The following TLDC2 variants were observed in gnomAD, a reference collection of about 807,000 sequenced individuals.
TLDC2 encodes the protein TLD domain-containing protein 2.
Under a neutral mutation model 27.9 loss-of-function variants are expected in TLDC2, and 23 were observed. That is an observed-to-expected ratio of 0.82 (90% confidence interval 0.59 to 1.17). The LOEUF is 1.17. Among genes scored for constraint, TLDC2 ranks in the 50% most tolerant of loss-of-function variants. The probability of loss-of-function intolerance (pLI) is 0.00; values close to 1 mark genes in which losing one functional copy is unlikely to be tolerated. For synonymous variants in TLDC2, 124 were observed against 107.4 expected (o/e 1.16, Z -0.96); for missense variants, 286 against 273.4 (o/e 1.05, Z -0.32).
intron 4 of TLDC2, among the ~76,000 whole-genome samples, chr20:36,885,635 C>T (rs950640108): frequency 6.6e-6 from 1 of 152,260 alleles, no homozygotes; most frequent in African/African-American, 2.4e-5. Context: ...GAGCATAGGA[C>T]GTATCTTTTA....
intron 4 of TLDC2, 50 bp from the exon 5 acceptor site, chr20:36,887,405 G>A (rs1989944670): frequency 6.5e-7 from 1 of 1,539,042 alleles, no homozygotes; most frequent in Admixed American, 1.7e-5. Flanking sequence ...AACTGCAAGG[G>A]CGGGACTCGC....
At chr20:36,887,591 G>C in intron 5 of TLDC2, 63 bp downstream of exon 5, 1 of 1,481,816 alleles carries the variant, frequency 6.7e-7, no homozygotes, top group Non-Finnish European at 9.4e-7. Context: ...TCCCTCTGCC[G>C]AACTGCTGGG....
intron 6 of TLDC2, chr20:36,891,366 C>T (rs1427115650): frequency 6.6e-6 from 1 of 152,368 alleles, no homozygotes; most frequent in Admixed American, 6.5e-5. Flanking sequence ...CTGAGTTCCC[C>T]TACTTGCTCA....
Position 36,879,153 on chromosome 20 carries a change from G to A in TLDC2, c.302G>A (p.Ser101Asn), listed in dbSNP as rs201133429. ...CTGTACCGGCGGATGGAGGGCTGCA[G>A]CGGGCCAGTGCTGCTGGTGCTCAGG... ...QSLYRRMEGC[S>N]GPVLLVLRDQ... Residue 101 changes from serine (S) to asparagine (N), a missense_variant, in exon 3 of 7, where the codon AGC (serine) becomes AAC (asparagine). Physicochemically the swap from Ser to Asn is conservative, Grantham distance 46. Coordinates refer to ENST00000217320, the MANE Select transcript of TLDC2 (RefSeq NM_080628.3). The A allele has an allele frequency of 2.1e-4, 337 of 1,614,042 alleles. No individual in the cohort carries two copies. The East Asian group carries it at 7.0e-3, about 34-fold the overall frequency.
At chr20:36,880,057 G>T (rs1989764706) in intron 3 of TLDC2, among the ~76,000 whole-genome samples, 2 of 41,212 alleles carry the variant, frequency 4.9e-5, no homozygotes, top group Non-Finnish European at 1.2e-4. Context: ...TACTTGTGTA[G>T]AATATATATA....
At chr20:36,881,067 G>A (rs1231701350) in intron 4 of TLDC2, among the ~76,000 whole-genome samples, 1 of 152,168 alleles carries the variant, frequency 6.6e-6, no homozygotes, top group Admixed American at 6.5e-5. Flanking sequence ...CGACAAAGGA[G>A]GACACAGCCA....
In TLDC2 at chr20:36,893,032, T is replaced by C. The variant is rs868061483; in HGVS notation, c.*188T>C. Reference sequence around the variant, plus strand: ...AGTACTGTCGTTCCATTCCTTTTTTTGAGGTGTTATGAGTGGGGCTATAAC... The same window carrying C: ...AGTACTGTCGTTCCATTCCTTTTTTCGAGGTGTTATGAGTGGGGCTATAAC... On this transcript the variant is annotated 3_prime_UTR_variant, in exon 7 of 7. Transcript: ENST00000217320. 1.2e-6 allele frequency: 2 copies of C among 1,613,954 alleles called. No homozygotes were observed. Among genetic ancestry groups the C allele is most frequent in the African/African-American group, 1.3e-5 (1 of 75,022 alleles).
rs1990133510 is a variant in TLDC2 at position 36,893,595 on chromosome 20, G to A, written c.*751G>A. ...GCTCCTCCACCCAAAATAAGGGAGA[G>A]ATCCAAAGGGAGGCGATACAATGAC... On this transcript the variant is annotated 3_prime_UTR_variant, in exon 7 of 7. Coordinates refer to ENST00000217320, the MANE Select transcript of TLDC2 (RefSeq NM_080628.3). 3.1e-6 allele frequency: 1 copy of A among 319,618 alleles called. No homozygotes were observed. The highest frequency in any genetic ancestry group is 2.1e-5 in the African/African-American group (1 of 46,586). 19.8% of individuals were successfully genotyped at this position (319,618 alleles called of 1,614,324 possible). A position where few individuals can be genotyped will look rare whatever the true frequency, so the allele number is the denominator to read the frequency against.
At chr20:36,891,753 T>C (rs938839080) in intron 6 of TLDC2, 4 of 152,576 alleles carry the variant, frequency 2.6e-5, no homozygotes, top group Admixed American at 1.3e-4. Context: ...AATGGCGTGA[T>C]CTAGGCTCAC....
intron 6 of TLDC2, chr20:36,890,915 T>A (rs569383031): frequency 6.6e-6 from 1 of 152,238 alleles, no homozygotes; most frequent in African/African-American, 2.4e-5. Context: ...AGCACAATGA[T>A]ACAATATTAG....
intron 3 of TLDC2, among the ~76,000 whole-genome samples, chr20:36,880,100 T>TATATATATATATATAA: frequency 2.4e-5 from 1 of 41,580 alleles, no homozygotes; most frequent in Non-Finnish European, 6.9e-5. Flanking sequence ...TATATATATA[T>TATATATATATATATAA]ACTTTTTTTT....
chr20:36,876,556 C>A (rs1427720840), intron 1 of TLDC2, among the ~76,000 whole-genome samples: 1 of 152,134 alleles, frequency 6.6e-6, no homozygotes, highest in African/African-American at 2.4e-5. Context: ...ATCTCTCAGC[C>A]CTTGAGAGGT....
At chr20:36,883,020 C>T (rs1251944615) in intron 4 of TLDC2, among the ~76,000 whole-genome samples, 2 of 152,166 alleles carry the variant, frequency 1.3e-5, no homozygotes, top group South Asian at 2.1e-4. Flanking sequence ...TCTGTGTTCT[C>T]GTCCATTCCC....
chr20:36,889,044 TAAAC>T (rs991302193), intron 5 of TLDC2, among the ~76,000 whole-genome samples: 15 of 151,818 alleles, frequency 9.9e-5, no homozygotes, highest in African/African-American at 2.2e-4. Flanking sequence ...AATAAATAAA[TAAAC>T]AAATAAATAA....
intron 4 of TLDC2, among the ~76,000 whole-genome samples, chr20:36,881,505 C>T (rs1032774614): frequency 3.3e-5 from 5 of 152,190 alleles, no homozygotes; most frequent in African/African-American, 1.2e-4. Flanking sequence ...GCAGCAGAAG[C>T]GCCGCTGGGC....
At chr20:36,885,272 A>T (rs1989898152) in intron 4 of TLDC2, among the ~76,000 whole-genome samples, 1 of 152,174 alleles carries the variant, frequency 6.6e-6, no homozygotes, top group African/African-American at 2.4e-5. Context: ...CAGTCTACCC[A>T]GTGCCTGAAA....
chr20:36,881,043 G>A (rs2148345647), intron 4 of TLDC2, among the ~76,000 whole-genome samples: 1 of 152,330 alleles, frequency 6.6e-6, no homozygotes, highest in African/African-American at 2.4e-5. Context: ...AGACCTGAGG[G>A]CGTGGTGGCA....
rs1319868725 is a variant in TLDC2 at position 36,893,798 on chromosome 20, T to C, written c.*954T>C. On this transcript the variant is annotated 3_prime_UTR_variant, in exon 7 of 7. Transcript: ENST00000217320. The stretch of plus-strand genomic sequence containing the variant: ...TCGTGCTCCTCATCTGCTTATTTGC[T>C]CTCAGATCCATTCTTCACTCTTCCT... 5.0e-6 allele frequency: 2 copies of C among 398,110 alleles called. No individual in the cohort carries two copies. Among genetic ancestry groups the C allele is most frequent in the East Asian group, 3.6e-5 (1 of 28,052 alleles). The allele number at this position is 398,110 out of a possible 1,614,324, so 24.7% of individuals were successfully genotyped here. A position where few individuals can be genotyped will look rare whatever the true frequency, so the allele number is the denominator to read the frequency against.
At chr20:36,880,070 C>CATATATTTATATATATATGTAT (rs1989767063) in intron 3 of TLDC2, among the ~76,000 whole-genome samples, 1 of 73,054 alleles carries the variant, frequency 1.4e-5, no homozygotes, top group Non-Finnish European at 2.7e-5. Context: ...TATATATATA[C>CATATATTTATATATATATGTAT]ATATATATAT....
Sources: allele counts gnomAD v4.1 joint callset (sites outside exome capture counted in the v4.1 genomes callset), GRCh38; gene constraint gnomAD v4.1.1; transcripts MANE v1.5; gene names NCBI Gene and HGNC (gene_info 2026-07-23, HGNC 2026-07-21).